The following RPS6KC1 variants were observed in gnomAD, a reference collection of about 807,000 sequenced individuals.
RPS6KC1 encodes the protein inactive ribosomal protein S6 kinase delta-1.
Under a neutral mutation model 103.8 loss-of-function variants are expected in RPS6KC1, and 54 were observed. The ratio of observed to expected loss-of-function variants is 0.52; its 90% CI spans 0.42 to 0.65. RPS6KC1 has a LOEUF of 0.65. Among genes scored for constraint, RPS6KC1 ranks in the 30% least tolerant of loss-of-function variants. The pLI, the probability that RPS6KC1 is intolerant of heterozygous loss-of-function variation, is 0.00. For missense variants in RPS6KC1, 1,151 were observed against 1,253.8 expected (o/e 0.92, Z 1.24); for synonymous variants, 439 against 438.7 (o/e 1.00, Z -0.01).
the RPS6KC1 span, among the ~76,000 whole-genome samples, chr1:213,642,909 T>G: frequency 6.6e-6 from 1 of 151,950 alleles, no homozygotes; most frequent in Admixed American, 6.6e-5. Flanking sequence ...CCCCAAAATA[T>G]TTTATCATTT....
At chr1:213,264,405 A>G (rs1347449943) in intron 14 of RPS6KC1, among the ~76,000 whole-genome samples, 1 of 152,168 alleles carries the variant, frequency 6.6e-6, no homozygotes, top group Non-Finnish European at 1.5e-5. Flanking sequence ...AATTCCAAGT[A>G]TTTTTTAGTA....
chr1:213,770,336 A>G, the RPS6KC1 span, among the ~76,000 whole-genome samples: 7,163 of 152,290 alleles, frequency 0.047, 205 homozygotes, highest in Middle Eastern at 0.082. Context: ...TTGTCAAGCC[A>G]GTGTGTTTTA....
At chr1:213,340,976 T>A in the RPS6KC1 span, among the ~76,000 whole-genome samples, 1 of 152,244 alleles carries the variant, frequency 6.6e-6, no homozygotes, top group Non-Finnish European at 1.5e-5. Flanking sequence ...TATCAGGTAG[T>A]TGAACCACCA....
the RPS6KC1 span, among the ~76,000 whole-genome samples, chr1:213,295,705 G>T: frequency 2.6e-5 from 4 of 152,208 alleles, no homozygotes; most frequent in Non-Finnish European, 4.4e-5. Context: ...CATTGACCTT[G>T]AAGGTGACCT....
Position 213,104,853 on chromosome 1 carries a change from A to G in RPS6KC1, c.378+284A>G, listed in dbSNP as rs140796848. On this transcript the variant is annotated intron_variant, in intron 4 of 14. Transcript: ENST00000366960. ...ACTATAGTCTTGAGTTCCTGGGCTC[A>G]AGCCTCCTGTTGCCTCAGACTCCTG... 2.1e-4 allele frequency among the ~76,000 whole-genome samples: 32 copies of G among 151,934 alleles called. No homozygotes were observed. The East Asian group carries it at 3.9e-3, about 18-fold the overall frequency.
At chr1:213,291,392 C>A in the RPS6KC1 span, among the ~76,000 whole-genome samples, 1 of 152,214 alleles carries the variant, frequency 6.6e-6, no homozygotes. Context: ...ATTGACCTTA[C>A]AGCAACTTCG....
At chr1:213,699,325 G>C in the RPS6KC1 span, among the ~76,000 whole-genome samples, 1 of 152,126 alleles carries the variant, frequency 6.6e-6, no homozygotes, top group Non-Finnish European at 1.5e-5. Flanking sequence ...TTGTCTTTCT[G>C]TACCTGGCTT....
chr1:213,753,438 G>A, the RPS6KC1 span, among the ~76,000 whole-genome samples: 5 of 152,212 alleles, frequency 3.3e-5, 1 homozygote, highest in Admixed American at 3.3e-4. Flanking sequence ...CTCCCCAAGG[G>A]CAGCTACAGA....
chr1:213,481,204 A>G, the RPS6KC1 span, among the ~76,000 whole-genome samples: 2 of 152,192 alleles, frequency 1.3e-5, no homozygotes, highest in Non-Finnish European at 2.9e-5. Context: ...TCTGTCCCTG[A>G]AGATTTGGTA....
chr1:213,142,626 A>G (rs1344274725), intron 6 of RPS6KC1, among the ~76,000 whole-genome samples: 1 of 152,048 alleles, frequency 6.6e-6, no homozygotes, highest in Non-Finnish European at 1.5e-5. Context: ...GTTGCAAAGT[A>G]TTTTTGATGT....
the RPS6KC1 span, among the ~76,000 whole-genome samples, chr1:213,729,639 C>T: frequency 1.3e-5 from 2 of 152,164 alleles, no homozygotes; most frequent in Non-Finnish European, 2.9e-5. Flanking sequence ...GTGAACAGAT[C>T]ATGAAGTCCA....
the RPS6KC1 span, among the ~76,000 whole-genome samples, chr1:213,554,799 G>T: frequency 6.6e-6 from 1 of 151,992 alleles, no homozygotes. Flanking sequence ...CTTTGCTCTG[G>T]TCTCTCCTTT....
chr1:213,405,923 C>G, the RPS6KC1 span, among the ~76,000 whole-genome samples: 1 of 152,204 alleles, frequency 6.6e-6, no homozygotes, highest in Non-Finnish European at 1.5e-5. Flanking sequence ...GCGGTGAAGC[C>G]TCCTCCGACC....
chr1:213,588,104 C>T, the RPS6KC1 span, among the ~76,000 whole-genome samples: 1 of 151,898 alleles, frequency 6.6e-6, no homozygotes, highest in Non-Finnish European at 1.5e-5. Flanking sequence ...GAGACAGGGT[C>T]TCTCTCTCTC....
At chr1:213,558,991 G>C in the RPS6KC1 span, among the ~76,000 whole-genome samples, 10 of 152,328 alleles carry the variant, frequency 6.6e-5, no homozygotes, top group South Asian at 1.7e-3. Context: ...ATTAAACTCT[G>C]CTAAATGTAA....
the RPS6KC1 span, among the ~76,000 whole-genome samples, chr1:213,762,013 TG>T: frequency 6.8e-6 from 1 of 147,160 alleles, no homozygotes; most frequent in African/African-American, 2.5e-5. Flanking sequence ...AGCAAAATGG[TG>T]GGTGGGAGAA....
At chr1:213,215,834 A>G (rs1164299372) in intron 8 of RPS6KC1, among the ~76,000 whole-genome samples, 4 of 152,328 alleles carry the variant, frequency 2.6e-5, no homozygotes, top group Non-Finnish European at 4.4e-5. Flanking sequence ...ATGCTGAGAG[A>G]TTTTGTCACC....
the RPS6KC1 span, among the ~76,000 whole-genome samples, chr1:213,757,858 T>C: frequency 3.3e-5 from 5 of 152,192 alleles, no homozygotes; most frequent in African/African-American, 9.6e-5. Flanking sequence ...CCATTGACCA[T>C]TCTGAAAATC....
At chr1:213,813,380 A>T in the RPS6KC1 span, among the ~76,000 whole-genome samples, 1 of 151,590 alleles carries the variant, frequency 6.6e-6, no homozygotes, top group African/African-American at 2.4e-5. Context: ...GAGCCAGCCC[A>T]GCCTGTTCCA....
Sources: gnomAD v4.1 joint callset for allele counts (sites outside exome capture counted in the v4.1 genomes callset) on GRCh38, gnomAD v4.1.1 for gene constraint, MANE v1.5 for transcripts, NCBI Gene and HGNC (gene_info 2026-07-23, HGNC 2026-07-21) for gene names.